The following FXYD5 variants were observed in gnomAD, a reference collection of about 807,000 sequenced individuals.
FXYD5 encodes FXYD domain-containing ion transport regulator 5.
Under a neutral mutation model 25.7 loss-of-function variants are expected in FXYD5, and 21 were observed. The observed-to-expected ratio is 0.82, with a 90% confidence interval of 0.58 to 1.18. The LOEUF is 1.18. Among genes scored for constraint, FXYD5 ranks in the 50% most tolerant of loss-of-function variants. The pLI, the probability that FXYD5 is intolerant of heterozygous loss-of-function variation, is 0.00. For synonymous variants in FXYD5, 101 were observed against 90.7 expected, an observed-to-expected ratio of 1.11 and a Z score of -0.64; for missense variants, 229 against 227.7, an observed-to-expected ratio of 1.01 and a Z score of -0.04.
Position 35,160,779 on chromosome 19 carries a change from G to A in FXYD5, c.270G>A (p.Glu90=), listed in dbSNP as rs764820127. The A allele has an allele frequency of 2.5e-6, 4 of 1,612,512 alleles. No individual in the cohort carries two copies. The highest frequency in any genetic ancestry group is 1.6e-4 in the Middle Eastern group (1 of 6,062). The change falls in exon 5 of 9, where the codon GAG becomes GAA. Residue 90 remains glutamate, a synonymous_variant. Coordinates refer to ENST00000392219, the MANE Select transcript of FXYD5 (RefSeq NM_014164.6). ...GTDGPLVTDP[E]THKSTKAAHP... is the part of the protein sequence containing the mutation. ...ATGGGCCTCTAGTGACAGATCCAGA[G>A]ACACACAAGAGCACCAAAGCAGGTA...
At chr19:35,162,116 G>C (rs550273062) in intron 5 of FXYD5, among the ~76,000 whole-genome samples, 7 of 152,198 alleles carry the variant, frequency 4.6e-5, no homozygotes, top group Non-Finnish European at 1.0e-4. Context: ...TTAATTTACT[G>C]AGTCTTTGCT....
intron 4 of FXYD5, among the ~76,000 whole-genome samples, chr19:35,159,008 G>A (rs2065381805): frequency 6.6e-6 from 1 of 151,890 alleles, no homozygotes; most frequent in South Asian, 2.1e-4. Context: ...TGCTCCTGTA[G>A]TCCCAGCTAC....
chr19:35,157,342 T>C, intron 2 of FXYD5, 79 bp from the exon 3 acceptor site: 1 of 744,872 alleles, frequency 1.3e-6, no homozygotes, highest in Non-Finnish European at 2.4e-6. Flanking sequence ...CCCTAAGGTT[T>C]CACCAGGGAG....
Position 35,157,428 on chromosome 19 carries a change from G to T in FXYD5, c.69G>T (p.Thr23=), listed in dbSNP as rs149367243. Residue 23 remains threonine (T), a synonymous_variant, in exon 3 of 9, where the codon ACG becomes ACT. Coordinates refer to ENST00000392219, the MANE Select transcript of FXYD5 (RefSeq NM_014164.6). ...TCATCCTTGATTCCCCAGGACAGAC[G>T]TTGAAAGATACCACGTCCAGTTCTT... ...VGLILPTRGQ[T]LKDTTSSSSA... is the part of the protein sequence containing the mutation. 3.2e-6 allele frequency: 5 copies of T among 1,580,862 alleles called. No individual in the cohort carries two copies. Among genetic ancestry groups the T allele is most frequent in the Non-Finnish European group, 4.3e-6 (5 of 1,150,150 alleles).
rs1568411714 is a variant in FXYD5 at position 35,158,460 on chromosome 19, TC to T, written c.199+62del. On this transcript the variant is annotated intron_variant, in intron 4 of 8. Transcript: ENST00000392219. ...CCAAGACAAACAAAGTTTCCCCTCTTCCTCTGACACTATAGGTCTTTGGTTG... is the reference window on the plus strand; with the variant it reads ...CCAAGACAAACAAAGTTTCCCCTCTTCTCTGACACTATAGGTCTTTGGTTG... 5.1e-6 allele frequency: 5 copies of T among 986,350 alleles called. No individual in the cohort carries two copies. In the Admixed American group the frequency reaches 8.5e-5, roughly 17 times the overall value. 61.1% of individuals were successfully genotyped at this position (986,350 alleles called of 1,614,324 possible).
intron 5 of FXYD5, among the ~76,000 whole-genome samples, chr19:35,162,686 A>T (rs202071027): frequency 6.6e-6 from 1 of 152,050 alleles, no homozygotes. Flanking sequence ...ATACCATCAC[A>T]TGGAATTTGG....
At chr19:35,159,368 G>A (rs888631076) in intron 4 of FXYD5, 11 of 1,170,956 alleles carry the variant, frequency 9.4e-6, no homozygotes, top group South Asian at 1.6e-5. Context: ...TGCACTGACT[G>A]TGTGCTGTGT....
rs2065481442 is a variant in FXYD5, at chr19:35,169,658, G to C, written c.*43G>C. ...GCTGACAACCTGCTGGGCACCCGAA[G>C]ACCAAGCCCCCTGCCAGCTCACCGT... On this transcript the variant is annotated 3_prime_UTR_variant, in exon 9 of 9. Transcript: ENST00000392219. 7.4e-7 allele frequency: 1 copy of C among 1,344,536 alleles called. No homozygotes were observed. The highest frequency in any genetic ancestry group is 1.1e-6 in the Non-Finnish European group (1 of 934,448). The allele number at this position is 1,344,536 out of a possible 1,614,324, so 83.3% of individuals were successfully genotyped here.
chr19:35,165,244 A>G (rs536571402), intron 6 of FXYD5, among the ~76,000 whole-genome samples: 22 of 152,370 alleles, frequency 1.4e-4, no homozygotes, highest in African/African-American at 5.3e-4. Flanking sequence ...GCAGCCCCAC[A>G]GGCTGCTGGT....
intron 8 of FXYD5, among the ~76,000 whole-genome samples, chr19:35,168,455 G>A (rs1470941271): frequency 6.6e-6 from 1 of 152,202 alleles, no homozygotes; most frequent in Non-Finnish European, 1.5e-5. Context: ...CAAGTGCCAA[G>A]CCCTGGAGGC....
intron 2 of FXYD5, among the ~76,000 whole-genome samples, chr19:35,156,092 TGTG>T (rs1281925269): frequency 3.3e-5 from 5 of 152,160 alleles, no homozygotes; most frequent in Admixed American, 6.5e-5. Flanking sequence ...GTGTGGCAGG[TGTG>T]GTGTGTGTTA....
chr19:35,158,319 G>A (rs369902247), intron 3 of FXYD5, 25 bp from the exon 4 acceptor site: 265 of 1,547,002 alleles, frequency 1.7e-4, no homozygotes, highest in Admixed American at 2.5e-4. Context: ...TTTTCTCTCC[G>A]TGACTCCTTG....
At chr19:35,158,456 C>T in intron 4 of FXYD5, 56 bp downstream of exon 4, 2 of 1,042,986 alleles carry the variant, frequency 1.9e-6, no homozygotes, top group Admixed American at 1.7e-5. Flanking sequence ...AAAGTTTCCC[C>T]TCTTCCTCTG....
intron 8 of FXYD5, 182 bp downstream of exon 8, chr19:35,166,507 A>G: frequency 3.9e-6 from 2 of 513,212 alleles, no homozygotes; most frequent in Non-Finnish European, 3.4e-6. Context: ...TGAGCTCTCA[A>G]TACCACAGTT....
In FXYD5 at chr19:35,166,310, A is replaced by G. The variant is rs769724741; in HGVS notation, c.472A>G (p.Ile158Val). Residue 158 changes from isoleucine to valine, a missense_variant, in exon 8 of 9, where the codon ATC (isoleucine) becomes GTC (valine). By Grantham distance (29) the Ile-to-Val change is conservative. Coordinates refer to ENST00000392219, the MANE Select transcript of FXYD5 (RefSeq NM_014164.6). ...CGCAGCTGTGCTGTTCATCACAGGC[A>G]TCATCATCCTCACCAGTGAGAACTG... ...LVAAVLFITG[I>V]IILTSGKCRQ... 6.3e-6 allele frequency: 10 copies of G among 1,587,862 alleles called. No individual in the cohort carries two copies. Among genetic ancestry groups the G allele is most frequent in the African/African-American group, 4.0e-5 (3 of 74,378 alleles).
rs960802824 is a variant in FXYD5, at chr19:35,166,342, G to T, written c.487+17G>T. On this transcript the variant is annotated intron_variant, in intron 8 of 8. Transcript: ENST00000392219. ...TCCTCACCAGTGAGAACTGGGGTTG[G>T]GTGGGAAGGACACCAAGACCAGGAG... 5 of 1,507,742 alleles carry T rather than the reference G, an allele frequency of 3.3e-6. No homozygotes were observed. The African/African-American group carries it at 6.9e-5, about 21-fold the overall frequency. The allele number at this position is 1,507,742 out of a possible 1,614,324, so 93.4% of individuals were successfully genotyped here. A position where few individuals can be genotyped will look rare whatever the true frequency, so the allele number is the denominator to read the frequency against.
chr19:35,156,263 A>AG (rs890733975), intron 2 of FXYD5, among the ~76,000 whole-genome samples: 1 of 152,186 alleles, frequency 6.6e-6, no homozygotes, highest in Non-Finnish European at 1.5e-5. Flanking sequence ...CCCAGAACCC[A>AG]GGGTGCATGC....
chr19:35,155,169 A>C (rs901551823), intron 1 of FXYD5: 66 of 211,644 alleles, frequency 3.1e-4, no homozygotes, highest in Middle Eastern at 3.3e-3. Context: ...GGGGGAGGGA[A>C]GAGGCCTCCT....
Position 35,161,221 on chromosome 19 carries a change from A to AACACACACACAC in FXYD5, c.292+436_292+447dup, listed in dbSNP as rs147168736. Reference sequence around the variant, plus strand: ...TGCAAAATATAGAAAATTCACCTTAAACACACACACACACACACACACACA... The same window carrying AACACACACACAC: ...TGCAAAATATAGAAAATTCACCTTAAACACACACACACACACACACACACACACACACACACA... On this transcript the variant is annotated intron_variant, in intron 5 of 8. Transcript: ENST00000392219. Among the ~76,000 whole-genome samples the AACACACACACAC allele has an allele frequency of 8.3e-3, 318 of 38,230 alleles. 2 individuals are homozygous for AACACACACACAC. Among genetic ancestry groups the AACACACACACAC allele is most frequent in the East Asian group, 0.042 (72 of 1,700 alleles). The allele number at this position is 38,230 out of a possible 152,430, so 25.1% of individuals were successfully genotyped here.
Sources: allele counts gnomAD v4.1 joint callset (sites outside exome capture counted in the v4.1 genomes callset), GRCh38; gene constraint gnomAD v4.1.1; transcripts MANE v1.5; gene names NCBI Gene and HGNC (gene_info 2026-07-23, HGNC 2026-07-21).